The following MAN2A1 variants were observed in gnomAD, a reference collection of about 807,000 sequenced individuals.
MAN2A1 encodes the protein mannosidase alpha class 2A member 1.
MAN2A1 carries 76 observed loss-of-function variants against 142.6 expected under a neutral mutation model. The ratio of observed to expected loss-of-function variants is 0.53; its 90% CI spans 0.44 to 0.65. The LOEUF (loss-of-function observed/expected upper bound fraction) is 0.65, where lower values mean the gene tolerates loss of function less well. Among genes scored for constraint, MAN2A1 ranks in the 30% least tolerant of loss-of-function variants. The probability of loss-of-function intolerance (pLI) is 0.00; values close to 1 mark genes in which losing one functional copy is unlikely to be tolerated. For missense variants in MAN2A1, 1,311 were observed against 1,365.1 expected (o/e 0.96, Z 0.62); for synonymous variants, 559 against 473.2 (o/e 1.18, Z -2.35).
chr5:109,832,988 A>G (rs1754960668), intron 16 of MAN2A1, among the ~76,000 whole-genome samples: 1 of 150,834 alleles, frequency 6.6e-6, no homozygotes, highest in African/African-American at 2.4e-5. Context: ...CTCAGTTCCC[A>G]GATGGGGTCA....
chr5:109,773,214 G>T (rs1428348078), intron 7 of MAN2A1, among the ~76,000 whole-genome samples: 1 of 152,148 alleles, frequency 6.6e-6, no homozygotes, highest in Non-Finnish European at 1.5e-5. Flanking sequence ...GGCGTTACAG[G>T]CTGGTTACTT....
intron 12 of MAN2A1, among the ~76,000 whole-genome samples, chr5:109,808,727 A>T (rs1468645089): frequency 2.1e-5 from 3 of 139,680 alleles, no homozygotes; most frequent in African/African-American, 2.7e-5. Context: ...TTTTTGAGAC[A>T]GAGTCTCACC....
rs764216108 is a variant in MAN2A1, at chr5:109,817,348, G to A, written c.2019G>A (p.Val673=). The change falls in exon 13 of 22, where the codon GTG becomes GTA. Residue 673 remains valine (V), a synonymous_variant. Transcript: ENST00000261483. ...LVSVYVSSPT[V]QVFSASGKPV... ...CAGTCTATGTGAGTTCCCCGACAGT[G>A]CAAGTGTTCTCTGCTTCAGGAAAAC... is the stretch of plus-strand genomic sequence containing the variant. The A allele has an allele frequency of 1.2e-6, 2 of 1,614,142 alleles. No homozygotes were observed. The highest frequency in any genetic ancestry group is 1.1e-5 in the South Asian group (1 of 91,080).
At chr5:109,773,369 T>C (rs896607401) in intron 7 of MAN2A1, among the ~76,000 whole-genome samples, 8 of 152,168 alleles carry the variant, frequency 5.3e-5, no homozygotes, top group African/African-American at 9.7e-5. Context: ...TATCTAATAG[T>C]AAACCCTTTT....
At chr5:109,743,230 G>T (rs74873108) in intron 4 of MAN2A1, among the ~76,000 whole-genome samples, 2,807 of 152,200 alleles carry the variant, frequency 0.018, 34 homozygotes, top group Middle Eastern at 0.071. Context: ...GTTCTCGCCT[G>T]TTGGGGAACA....
chr5:109,771,927 T>C (rs948066491), intron 7 of MAN2A1, among the ~76,000 whole-genome samples: 1 of 152,186 alleles, frequency 6.6e-6, no homozygotes, highest in Admixed American at 6.5e-5. Context: ...GGCACATTAT[T>C]GAGGAAAAAA....
chr5:109,841,099 C>A (rs1755191064), intron 16 of MAN2A1, among the ~76,000 whole-genome samples: 1 of 151,992 alleles, frequency 6.6e-6, no homozygotes, highest in African/African-American at 2.4e-5. Context: ...GACCACTTTC[C>A]TAATTGCTCT....
chr5:109,722,858 AT>A (rs1429384160), intron 3 of MAN2A1, among the ~76,000 whole-genome samples: 2 of 152,110 alleles, frequency 1.3e-5, no homozygotes, highest in African/African-American at 4.8e-5. Context: ...TGTCTGTCAT[AT>A]TTTAGACAGT....
intron 1 of MAN2A1, among the ~76,000 whole-genome samples, chr5:109,703,602 T>A (rs1561468202): frequency 6.6e-6 from 1 of 151,766 alleles, no homozygotes; most frequent in African/African-American, 2.4e-5. Context: ...GTGTGGTTTT[T>A]AAAAAAAAAT....
intron 16 of MAN2A1, among the ~76,000 whole-genome samples, chr5:109,827,317 G>C (rs1040426073): frequency 1.3e-5 from 2 of 152,164 alleles, no homozygotes; most frequent in African/African-American, 4.8e-5. Flanking sequence ...GTCTATTTTT[G>C]TTAAACCTTA....
At chr5:109,743,199 G>C (rs751209071) in intron 4 of MAN2A1, among the ~76,000 whole-genome samples, 2 of 152,068 alleles carry the variant, frequency 1.3e-5, no homozygotes, top group African/African-American at 2.4e-5. Flanking sequence ...TTCCTCTTCT[G>C]CTTACTTCCC....
At chr5:109,719,964 T>G (rs1229520827) in intron 3 of MAN2A1, among the ~76,000 whole-genome samples, 1 of 152,212 alleles carries the variant, frequency 6.6e-6, no homozygotes, top group Admixed American at 6.5e-5. Flanking sequence ...TGTACTGTTA[T>G]GCTTTTGAAA....
intron 15 of MAN2A1, among the ~76,000 whole-genome samples, chr5:109,821,186 T>C (rs1175893934): frequency 6.6e-6 from 1 of 152,232 alleles, no homozygotes; most frequent in Non-Finnish European, 1.5e-5. Context: ...ATTTTATGCA[T>C]ATCCTTTTCT....
At chr5:109,845,238 C>T (rs1357465186) in intron 17 of MAN2A1, among the ~76,000 whole-genome samples, 2 of 151,958 alleles carry the variant, frequency 1.3e-5, no homozygotes, top group African/African-American at 2.4e-5. Context: ...TTGGGGTTAC[C>T]GACAGTCTTT....
intron 9 of MAN2A1, among the ~76,000 whole-genome samples, chr5:109,783,576 T>C (rs1018266847): frequency 6.6e-6 from 1 of 152,188 alleles, no homozygotes; most frequent in Non-Finnish European, 1.5e-5. Context: ...TTCTACAGTT[T>C]AGAGAAATGC....
At chr5:109,754,980 A>G (rs1278158991) in intron 4 of MAN2A1, among the ~76,000 whole-genome samples, 2 of 151,978 alleles carry the variant, frequency 1.3e-5, no homozygotes, top group Non-Finnish European at 2.9e-5. Context: ...CAGCCTGGGC[A>G]ACAAGAGTGA....
At chr5:109,822,277 T>C (rs1754646443) in intron 15 of MAN2A1, among the ~76,000 whole-genome samples, 1 of 152,078 alleles carries the variant, frequency 6.6e-6, no homozygotes, top group Non-Finnish European at 1.5e-5. Context: ...TTCAGTGTTT[T>C]CTCATTCACC....
Position 109,834,211 on chromosome 5 carries a change from C to T in MAN2A1, c.2567-8117C>T, listed in dbSNP as rs895564982. On this transcript the variant is annotated intron_variant, in intron 16 of 21. Transcript: ENST00000261483. ...TGCAGATCAAATATCATGATTAGTT[C>T]AGCCAACTTCTCTCCTCTGTCCTAG... Among the ~76,000 whole-genome samples the T allele has an allele frequency of 2.0e-5, 3 of 152,222 alleles. No individual in the cohort carries two copies. The South Asian group carries it at 6.2e-4, about 32-fold the overall frequency.
At chr5:109,734,724 T>C (rs1752033666) in intron 4 of MAN2A1, among the ~76,000 whole-genome samples, 1 of 152,224 alleles carries the variant, frequency 6.6e-6, no homozygotes, top group Non-Finnish European at 1.5e-5. Flanking sequence ...GATTGCACTG[T>C]GGTCTGAGAG....
Sources: allele counts gnomAD v4.1 joint callset (sites outside exome capture counted in the v4.1 genomes callset), GRCh38; gene constraint gnomAD v4.1.1; transcripts MANE v1.5; gene names NCBI Gene and HGNC (gene_info 2026-07-23, HGNC 2026-07-21).